Variants in KCNT2 observed in about 807,000 individuals in gnomAD.
KCNT2 encodes potassium channel subfamily T member 2.
KCNT2 carries 67 observed loss-of-function variants against 153.8 expected under a neutral mutation model. The ratio of observed to expected loss-of-function variants is 0.44; its 90% CI spans 0.36 to 0.53. The LOEUF is 0.53. KCNT2 is among the 20% of genes least tolerant of loss of function. The pLI, the probability that KCNT2 is intolerant of heterozygous loss-of-function variation, is 0.00. For synonymous variants in KCNT2, 500 were observed against 458.8 expected, an observed-to-expected ratio of 1.09 and a Z score of -1.15; for missense variants, 975 against 1,354.8, an observed-to-expected ratio of 0.72 and a Z score of 4.40.
chr1:196,334,094 G>C (rs542101561), intron 16 of KCNT2, 34 bp from the exon 17 acceptor site: 1 of 1,442,418 alleles, frequency 6.9e-7, no homozygotes, highest in Non-Finnish European at 9.7e-7. Flanking sequence ...TTATCAAGGC[G>C]TTTGCCATAT....
chr1:196,324,859 T>C (rs1195243362), intron 19 of KCNT2, among the ~76,000 whole-genome samples: 1 of 152,102 alleles, frequency 6.6e-6, no homozygotes, highest in Non-Finnish European at 1.5e-5. Flanking sequence ...ATTGATTTTA[T>C]AATCCTAATA....
At chr1:196,567,951 G>C (rs1660306946) in intron 1 of KCNT2, among the ~76,000 whole-genome samples, 1 of 152,080 alleles carries the variant, frequency 6.6e-6, no homozygotes, top group African/African-American at 2.4e-5. Flanking sequence ...ATTCTTAGCA[G>C]CTCTAATATT....
At chr1:196,603,002 G>T in intron 1 of KCNT2, among the ~76,000 whole-genome samples, 1 of 151,322 alleles carries the variant, frequency 6.6e-6, no homozygotes, top group South Asian at 2.1e-4. Flanking sequence ...TAGCCAGGAT[G>T]GTCTCGATCT....
intron 14 of KCNT2, among the ~76,000 whole-genome samples, chr1:196,354,338 A>G (rs894371342): frequency 6.6e-6 from 1 of 151,786 alleles, no homozygotes; most frequent in Non-Finnish European, 1.5e-5. Context: ...ATGTAGCTAA[A>G]CAGATGATAA....
In KCNT2 at chr1:196,455,329, C is replaced by T. The variant is rs569670492; in HGVS notation, c.638+9964G>A. Among the ~76,000 whole-genome samples the T allele has an allele frequency of 2.6e-5, 4 of 152,106 alleles. No homozygotes were observed. In the South Asian group the frequency reaches 8.3e-4, roughly 32 times the overall value. ...ACATCTTTGAAGGCCAAGCTGCCTA[C>T]CTTTTGTAAATAGGCAGTACATAAT... is the stretch of plus-strand genomic sequence containing the variant. On this transcript the variant is annotated intron_variant, in intron 8 of 27. Transcript: ENST00000294725.
At chr1:196,605,434 G>A (rs1324374988) in intron 1 of KCNT2, among the ~76,000 whole-genome samples, 1 of 152,158 alleles carries the variant, frequency 6.6e-6, no homozygotes, top group Non-Finnish European at 1.5e-5. Context: ...GGAAGCAAAA[G>A]TATTGATTCA....
chr1:196,371,220 CAAAAAAAAAAAAAAAAA>C (rs952744388), intron 14 of KCNT2, among the ~76,000 whole-genome samples: 7 of 21,934 alleles, frequency 3.2e-4, no homozygotes, highest in Non-Finnish European at 6.3e-4. Flanking sequence ...CCCGTCACTA[CAAAAAAAAAAAAAAAAA>C]AAAAAAAAAA....
chr1:196,433,020 G>A (rs942497376), intron 8 of KCNT2, among the ~76,000 whole-genome samples: 5 of 152,056 alleles, frequency 3.3e-5, no homozygotes, highest in African/African-American at 4.8e-5. Context: ...CATGAGGGTA[G>A]AGCACTCATG....
chr1:196,401,917 A>G (rs1671447249), intron 12 of KCNT2, among the ~76,000 whole-genome samples: 1 of 151,504 alleles, frequency 6.6e-6, no homozygotes, highest in Admixed American at 6.6e-5. Flanking sequence ...AAACAAAAAT[A>G]AAGACAAAAT....
In KCNT2 at chr1:196,227,302, T is replaced by G. The variant is rs1653561472; in HGVS notation, c.*922A>C. 6.6e-6 allele frequency: 1 copy of G among 151,968 alleles called. No homozygotes were observed. The highest frequency in any genetic ancestry group is 2.4e-5 in the African/African-American group (1 of 41,430). The allele number at this position is 151,968 out of a possible 1,614,324, so 9.4% of individuals were successfully genotyped here. A position where few individuals can be genotyped will look rare whatever the true frequency, so the allele number is the denominator to read the frequency against. On this transcript the variant is annotated 3_prime_UTR_variant, in exon 28 of 28. Coordinates refer to ENST00000294725, the MANE Select transcript of KCNT2 (RefSeq NM_198503.5). Reference sequence around the variant, plus strand: ...TATCTTCTGTCAATTTTAAAAGAATTTTTCTAGTGAAATTTACTATATAGA... The same window carrying G: ...TATCTTCTGTCAATTTTAAAAGAATGTTTCTAGTGAAATTTACTATATAGA...
chr1:196,536,953 A>T (rs922777122), intron 1 of KCNT2, among the ~76,000 whole-genome samples: 7 of 152,318 alleles, frequency 4.6e-5, no homozygotes, highest in Non-Finnish European at 5.9e-5. Context: ...ATATCAATGA[A>T]TTCTATAGCT....
At position 196,278,051 on chromosome 1, in the gene KCNT2, G is replaced by T. The variant is rs183586770; in HGVS notation, c.2910+2809C>A. 2.4e-4 allele frequency among the ~76,000 whole-genome samples: 36 copies of T among 152,056 alleles called. No individual in the cohort carries two copies. In the East Asian group the frequency reaches 7.0e-3, roughly 29 times the overall value. On this transcript the variant is annotated intron_variant, in intron 25 of 27. Transcript: ENST00000294725. ...TGGTATCTAAAATCTCCAAATTCAG[G>T]AAGCAAATAATATACTCATTCTTTT...
At chr1:196,501,364 C>G (rs1316578814) in intron 1 of KCNT2, among the ~76,000 whole-genome samples, 3 of 151,970 alleles carry the variant, frequency 2.0e-5, no homozygotes, top group Non-Finnish European at 4.4e-5. Context: ...TAGATACACA[C>G]ACAAACACAC....
chr1:196,410,337 TG>T (rs1286877423), intron 12 of KCNT2, among the ~76,000 whole-genome samples: 1 of 151,446 alleles, frequency 6.6e-6, no homozygotes, highest in African/African-American at 2.4e-5. Context: ...TTTTTTAGTT[TG>T]ATATAATACC....
intron 8 of KCNT2, among the ~76,000 whole-genome samples, chr1:196,462,451 A>G (rs1393780389): frequency 1.3e-5 from 2 of 151,668 alleles, no homozygotes; most frequent in Non-Finnish European, 3.0e-5. Context: ...ATGTTTTCTT[A>G]TATTTTCTGT....
chr1:196,369,212 C>T (rs1025563422), intron 14 of KCNT2, among the ~76,000 whole-genome samples: 1 of 151,998 alleles, frequency 6.6e-6, no homozygotes, highest in Non-Finnish European at 1.5e-5. Flanking sequence ...TCAGGATGGG[C>T]CAGTTGAATG....
chr1:196,566,324 T>C (rs1660108820), intron 1 of KCNT2, among the ~76,000 whole-genome samples: 1 of 152,040 alleles, frequency 6.6e-6, no homozygotes, highest in Non-Finnish European at 1.5e-5. Context: ...AGTGATTACA[T>C]AGGCAATTTG....
intron 25 of KCNT2, among the ~76,000 whole-genome samples, chr1:196,279,523 A>T (rs945107523): frequency 6.6e-6 from 1 of 152,070 alleles, no homozygotes; most frequent in Non-Finnish European, 1.5e-5. Context: ...CCCAGGTTCA[A>T]GCAATTCTTC....
intron 13 of KCNT2, among the ~76,000 whole-genome samples, chr1:196,380,320 TAA>T (rs1446988716): frequency 4.6e-5 from 7 of 152,192 alleles, no homozygotes; most frequent in Admixed American, 4.6e-4. Flanking sequence ...GCTTCTAAAA[TAA>T]AAAATTACAA....
Sources: gnomAD v4.1 joint callset for allele counts (sites outside exome capture counted in the v4.1 genomes callset) on GRCh38, gnomAD v4.1.1 for gene constraint, MANE v1.5 for transcripts, NCBI Gene and HGNC (gene_info 2026-07-23, HGNC 2026-07-21) for gene names.